LASP1: variants seen among roughly 807,000 people sequenced by gnomAD.
The protein encoded by LASP1 is LIM and SH3 protein 1.
A neutral mutation model predicts 38.6 loss-of-function variants in LASP1; 10 were observed. That is an observed-to-expected ratio of 0.26 (90% CI 0.16 to 0.44). LASP1 has a LOEUF of 0.44. Among genes scored for constraint, LASP1 ranks in the 20% least tolerant of loss-of-function variants. LASP1 has a pLI of 1.00. For missense variants in LASP1, 243 were observed against 375.7 expected (o/e 0.65, Z 2.92); for synonymous variants, 132 against 140.8 (o/e 0.94, Z 0.44).
intron 2 of LASP1, among the ~76,000 whole-genome samples, chr17:38,886,655 A>C (rs1914147867): frequency 6.6e-6 from 1 of 151,884 alleles, no homozygotes; most frequent in Admixed American, 6.6e-5. Flanking sequence ...GGCTCCCGAG[A>C]CCGTCTGGTG....
At chr17:38,895,051 C>G (rs1914445937) in intron 3 of LASP1, among the ~76,000 whole-genome samples, 1 of 151,856 alleles carries the variant, frequency 6.6e-6, no homozygotes, top group Non-Finnish European at 1.5e-5. Flanking sequence ...ATTTTAAAAA[C>G]TAGTGTTTCT....
intron 1 of LASP1, among the ~76,000 whole-genome samples, chr17:38,871,545 G>A (rs1913610208): frequency 6.6e-6 from 1 of 152,064 alleles, no homozygotes; most frequent in East Asian, 1.9e-4. Flanking sequence ...TAGAGCCCTG[G>A]GGCCAAGTTC....
chr17:38,901,540 A>G (rs1914641199), intron 4 of LASP1, among the ~76,000 whole-genome samples: 1 of 152,226 alleles, frequency 6.6e-6, no homozygotes, highest in East Asian at 1.9e-4. Context: ...AGTCACCTGT[A>G]GGGTTGACTG....
intron 1 of LASP1, among the ~76,000 whole-genome samples, chr17:38,877,677 G>T (rs1913819378): frequency 6.6e-6 from 1 of 152,142 alleles, no homozygotes; most frequent in Non-Finnish European, 1.5e-5. Context: ...CAGAGGAGCT[G>T]CTCCTTCATG....
At position 38,914,317 on chromosome 17, in the gene LASP1, C is replaced by T. The variant is rs1403521868; in HGVS notation, c.358-8C>T. ...GGACCCTTCACCTAGTGCCTTCTGACCTTGCAGATAAAATACCATGAGGAG... is the reference window on the plus strand; with the variant it reads ...GGACCCTTCACCTAGTGCCTTCTGATCTTGCAGATAAAATACCATGAGGAG... On this transcript the variant is annotated splice_polypyrimidine_tract_variant and splice_region_variant and intron_variant, in intron 4 of 6. Coordinates refer to ENST00000318008, the MANE Select transcript of LASP1 (RefSeq NM_006148.4). 1 of 1,602,820 alleles carries T rather than the reference C, an allele frequency of 6.2e-7. No homozygotes were observed. The highest frequency in any genetic ancestry group is 8.5e-7 in the Non-Finnish European group (1 of 1,175,650).
intron 3 of LASP1, among the ~76,000 whole-genome samples, chr17:38,896,015 G>A (rs1442007462): frequency 6.6e-6 from 1 of 152,204 alleles, no homozygotes; most frequent in Non-Finnish European, 1.5e-5. Flanking sequence ...AGCGACAACT[G>A]GGTTGTGACC....
chr17:38,897,291 C>G (rs1176511730), intron 3 of LASP1, among the ~76,000 whole-genome samples: 1 of 152,250 alleles, frequency 6.6e-6, no homozygotes, highest in Non-Finnish European at 1.5e-5. Flanking sequence ...TGGCTGCATG[C>G]GCATGCGCAG....
At position 38,889,233 on chromosome 17, in the gene LASP1, C is replaced by T. The variant is rs145516831; in HGVS notation, c.165-1187C>T. ...GCAACCTCTGCCTCCTGAGTTCAAGCGATTCTCCTGCCTCAGCCTCCTGAG... is the reference window on the plus strand; with the variant it reads ...GCAACCTCTGCCTCCTGAGTTCAAGTGATTCTCCTGCCTCAGCCTCCTGAG... On this transcript the variant is annotated intron_variant, in intron 2 of 6. Coordinates refer to ENST00000318008, the MANE Select transcript of LASP1 (RefSeq NM_006148.4). Among the ~76,000 whole-genome samples, 605 of 152,234 alleles carry T rather than the reference C, an allele frequency of 4.0e-3. 1 individual carries two copies. Among genetic ancestry groups the T allele is most frequent in the African/African-American group, 0.014 (567 of 41,540 alleles).
At position 38,878,295 on chromosome 17, in the gene LASP1, A is replaced by T. The variant is rs752620116; in HGVS notation, c.164+115A>T. 109 of 686,322 alleles carry T rather than the reference A, an allele frequency of 1.6e-4. 1 individual carries two copies. Among genetic ancestry groups the T allele is most frequent in the Non-Finnish European group, 2.8e-4 (106 of 379,666 alleles). The allele number at this position is 686,322 out of a possible 1,614,324, so 42.5% of individuals were successfully genotyped here. A position where few individuals can be genotyped will look rare whatever the true frequency, so the allele number is the denominator to read the frequency against. On this transcript the variant is annotated intron_variant, in intron 2 of 6. Transcript: ENST00000318008. ...ACATTGGCGAACACTTCCATCCCCT[A>T]CTTGAACATCACAGTTTGTCCTCAC...
intron 4 of LASP1, chr17:38,898,962 T>C: frequency 2.8e-6 from 1 of 356,322 alleles, no homozygotes; most frequent in Non-Finnish European, 5.6e-6. Flanking sequence ...ATCAGCCTGC[T>C]CTTCCTTCCT....
intron 3 of LASP1, among the ~76,000 whole-genome samples, chr17:38,893,844 G>A (rs768523274): frequency 4.6e-5 from 7 of 152,330 alleles, no homozygotes; most frequent in East Asian, 1.9e-4. Context: ...AGCTGCCTGC[G>A]GCTAGCAGGA....
At chr17:38,876,535 T>C (rs1361133010) in intron 1 of LASP1, among the ~76,000 whole-genome samples, 2 of 151,086 alleles carry the variant, frequency 1.3e-5, no homozygotes, top group South Asian at 2.1e-4. Flanking sequence ...CTAATTTTTT[T>C]GTATTTTTAG....
rs188451561 is a variant in LASP1 at position 38,921,209 on chromosome 17, C to A, written c.*2431C>A. The stretch of plus-strand genomic sequence containing the variant: ...GGGGCTGGGCTGGGCTGGGCTGAGC[C>A]CCTGGTCTTCTCTACAGTTCACAGA... On this transcript the variant is annotated 3_prime_UTR_variant, in exon 7 of 7. Transcript: ENST00000318008. 146 of 229,444 alleles carry A rather than the reference C, an allele frequency of 6.4e-4. No homozygotes were observed. The highest frequency in any genetic ancestry group is 3.1e-3 in the African/African-American group (139 of 45,134). The allele number at this position is 229,444 out of a possible 1,614,324, so 14.2% of individuals were successfully genotyped here. A position where few individuals can be genotyped will look rare whatever the true frequency, so the allele number is the denominator to read the frequency against.
At chr17:38,877,410 C>G (rs1362529224) in intron 1 of LASP1, among the ~76,000 whole-genome samples, 1 of 152,170 alleles carries the variant, frequency 6.6e-6, no homozygotes, top group African/African-American at 2.4e-5. Flanking sequence ...GGGTGCTCTC[C>G]TGCCCTCCTC....
At position 38,918,736 on chromosome 17, in the gene LASP1, C is replaced by T. The variant is rs753632185; in HGVS notation, c.744C>T (p.Gly248=). Residue 248 remains glycine, a synonymous_variant, in exon 7 of 7, where the codon GGC becomes GGT. Transcript: ENST00000318008. The surrounding 1 kb of genome is among the most constrained non-coding windows in gnomAD (Gnocchi z 4.4). ...GWMYGTVERT[G]DTGMLPANYV... ...TGTACGGGACGGTGGAGCGCACCGG[C>T]GACACGGGGATGCTGCCGGCCAACT... The T allele has an allele frequency of 7.4e-6, 12 of 1,613,946 alleles. No individual in the cohort carries two copies. In the African/African-American group the frequency reaches 8.0e-5, roughly 11 times the overall value.
At chr17:38,910,030 G>A (rs1047948515) in intron 4 of LASP1, among the ~76,000 whole-genome samples, 1 of 152,170 alleles carries the variant, frequency 6.6e-6, no homozygotes, top group Non-Finnish European at 1.5e-5. Flanking sequence ...TTAAAGGTGT[G>A]AGCCACCGCA....
At chr17:38,905,809 C>T (rs1914762448) in intron 4 of LASP1, among the ~76,000 whole-genome samples, 3 of 152,156 alleles carry the variant, frequency 2.0e-5, no homozygotes, top group Admixed American at 1.3e-4. Context: ...TGTATCCTAA[C>T]AGTTTGGGAG....
At chr17:38,892,230 C>T (rs1196680108) in intron 3 of LASP1, among the ~76,000 whole-genome samples, 3 of 152,194 alleles carry the variant, frequency 2.0e-5, no homozygotes, top group South Asian at 2.1e-4. Context: ...TGAGTGAATG[C>T]GGATCCAGGA....
chr17:38,905,300 G>A (rs572952563), intron 4 of LASP1, among the ~76,000 whole-genome samples: 397 of 152,196 alleles, frequency 2.6e-3, no homozygotes, highest in African/African-American at 9.0e-3. Context: ...AGACCGAAGT[G>A]GGTGGATCAT....
Sources: allele counts gnomAD v4.1 joint callset (sites outside exome capture counted in the v4.1 genomes callset), GRCh38; gene constraint gnomAD v4.1.1; non-coding constraint Gnocchi (gnomAD v3.1); transcripts MANE v1.5; gene names NCBI Gene and HGNC (gene_info 2026-07-23, HGNC 2026-07-21).